Variants in DERL1 observed in about 807,000 individuals in gnomAD.
DERL1 encodes the protein derlin-1.
A neutral mutation model predicts 41.6 loss-of-function variants in DERL1; 24 were observed. The observed-to-expected ratio is 0.58, with a 90% CI of 0.42 to 0.81. DERL1 has a LOEUF of 0.81. Among genes scored for constraint, DERL1 ranks in the 30% least tolerant of loss-of-function variants. The pLI, the probability that DERL1 is intolerant of heterozygous loss-of-function variation, is 0.00. For missense variants in DERL1, 260 were observed against 314.3 expected (o/e 0.83, Z 1.31); for synonymous variants, 124 against 112.5 (o/e 1.10, Z -0.65).
chr8:123,021,504 G>A lies in DERL1; in HGVS notation c.454-5C>T. 6.2e-7 allele frequency: 1 copy of A among 1,613,448 alleles called. No homozygotes were observed. Among genetic ancestry groups the A allele is most frequent in the Non-Finnish European group, 8.5e-7 (1 of 1,179,462 alleles). On this transcript the variant is annotated splice_polypyrimidine_tract_variant and splice_region_variant and intron_variant, in intron 5 of 7. Coordinates refer to ENST00000259512, the MANE Select transcript of DERL1 (RefSeq NM_024295.6). Reference sequence around the variant, plus strand: ...AACCCAGGGTAAATAGCAGGCCTAGGATGGAATGAATATATGCAAATGTGA... The same window carrying A: ...AACCCAGGGTAAATAGCAGGCCTAGAATGGAATGAATATATGCAAATGTGA...
intron 1 of DERL1, among the ~76,000 whole-genome samples, chr8:123,040,262 G>A (rs1410711174): frequency 6.6e-6 from 1 of 152,172 alleles, no homozygotes; most frequent in Non-Finnish European, 1.5e-5. Context: ...TAAGGGATAA[G>A]GGAGTGGAGT....
intron 3 of DERL1, 104 bp downstream of exon 3, chr8:123,024,882 A>T: frequency 8.4e-7 from 1 of 1,193,796 alleles, no homozygotes; most frequent in Non-Finnish European, 1.2e-6. Flanking sequence ...GTCAACCAAG[A>T]TGCAAATATT....
In DERL1 at chr8:123,019,269, A is replaced by C; in HGVS notation, c.543T>G (p.His181Gln). 1 of 1,614,066 alleles carries C rather than the reference A, an allele frequency of 6.2e-7. No homozygotes were observed. Among genetic ancestry groups the C allele is most frequent in the Non-Finnish European group, 8.5e-7 (1 of 1,179,946 alleles). ...ATCTGAACATTAGGAAAAAATAAAGATGTCCAACCAGATTTCCAATAAGCT... is the reference window on the plus strand; with the variant it reads ...ATCTGAACATTAGGAAAAAATAAAGCTGTCCAACCAGATTTCCAATAAGCT... ...INELIGNLVG[H>Q]LYFFLMFRYP... is the part of the protein sequence containing the mutation. Residue 181 changes from histidine (H) to glutamine (Q), a missense_variant, in exon 7 of 8, where the codon CAT (histidine) becomes CAG (glutamine). Coordinates refer to ENST00000259512, the MANE Select transcript of DERL1 (RefSeq NM_024295.6).
rs1006469132 is a variant in DERL1, at chr8:123,013,329, A to C, written c.*2118T>G. On this transcript the variant is annotated 3_prime_UTR_variant, in exon 8 of 8. Transcript: ENST00000259512. ...GAGACAGCAGAGCAGGGACATGGAA[A>C]CTTAACACAGACAACCTTCAAGTTG... 6.6e-6 allele frequency: 1 copy of C among 152,230 alleles called. No individual in the cohort carries two copies. Among genetic ancestry groups the C allele is most frequent in the African/African-American group, 2.4e-5 (1 of 41,456 alleles). 9.4% of individuals were successfully genotyped at this position (152,230 alleles called of 1,614,324 possible). A position where few individuals can be genotyped will look rare whatever the true frequency, so the allele number is the denominator to read the frequency against.
chr8:123,036,175 C>T (rs1812923874), intron 1 of DERL1, among the ~76,000 whole-genome samples: 1 of 152,076 alleles, frequency 6.6e-6, no homozygotes, highest in African/African-American at 2.4e-5. Context: ...CATATGTTCA[C>T]CAAGACATGT....
chr8:123,037,446 T>C (rs1242103391), intron 1 of DERL1, among the ~76,000 whole-genome samples: 3 of 152,210 alleles, frequency 2.0e-5, no homozygotes, highest in Non-Finnish European at 4.4e-5. Flanking sequence ...TAATATGCTA[T>C]GATATTATCC....
Position 123,038,807 on chromosome 8 carries a change from T to C in DERL1, c.153+3163A>G, listed in dbSNP as rs527565267. Among the ~76,000 whole-genome samples the C allele has an allele frequency of 9.9e-5, 15 of 152,266 alleles. No individual in the cohort carries two copies. The East Asian group carries it at 2.5e-3, about 25-fold the overall frequency. On this transcript the variant is annotated intron_variant, in intron 1 of 7. Transcript: ENST00000259512. ...ACAACATTCTCTCAGCCAACAAATA[T>C]TTAGTAAAGTAATAAACACAGAACA...
intron 2 of DERL1, among the ~76,000 whole-genome samples, chr8:123,028,716 T>C (rs540240593): frequency 6.6e-6 from 1 of 152,322 alleles, no homozygotes; most frequent in East Asian, 1.9e-4. Context: ...TAACTGATCA[T>C]AAATGATCCA....
chr8:123,019,961 G>A (rs1487883817), intron 6 of DERL1, among the ~76,000 whole-genome samples: 1 of 152,144 alleles, frequency 6.6e-6, no homozygotes, highest in Non-Finnish European at 1.5e-5. Context: ...CCCGTCAGGG[G>A]CAAATCAACA....
chr8:123,022,571 G>T, intron 5 of DERL1, 113 bp downstream of exon 5: 1 of 988,904 alleles, frequency 1.0e-6, no homozygotes. Flanking sequence ...CTTGCCTATG[G>T]TACACTGCTC....
intron 1 of DERL1, among the ~76,000 whole-genome samples, chr8:123,034,898 C>G (rs1451772125): frequency 6.6e-6 from 1 of 152,184 alleles, no homozygotes; most frequent in Admixed American, 6.5e-5. Context: ...TGACTTCTGC[C>G]TTCCTTATCT....
chr8:123,031,362 T>C (rs1586467084), intron 1 of DERL1, among the ~76,000 whole-genome samples: 1 of 151,978 alleles, frequency 6.6e-6, no homozygotes, highest in Admixed American at 6.6e-5. Flanking sequence ...CAGGCCAACA[T>C]GGTGAAACCC....
chr8:123,028,271 G>C (rs182512329), intron 2 of DERL1, among the ~76,000 whole-genome samples: 8 of 152,258 alleles, frequency 5.3e-5, no homozygotes, highest in African/African-American at 9.6e-5. Context: ...ATAACTATTA[G>C]AGGTGATAAC....
At chr8:123,041,080 G>A (rs188239019) in intron 1 of DERL1, among the ~76,000 whole-genome samples, 1 of 152,180 alleles carries the variant, frequency 6.6e-6, no homozygotes, top group African/African-American at 2.4e-5. Context: ...CTATAGAAAA[G>A]GTCCTATAAC....
intron 5 of DERL1, 80 bp downstream of exon 5, chr8:123,022,604 G>A (rs1235868408): frequency 1.6e-5 from 22 of 1,399,942 alleles, no homozygotes; most frequent in Non-Finnish European, 2.1e-5. Context: ...TTCTGGATGA[G>A]TCAGAAAGTA....
chr8:123,038,010 C>G (rs1303012537), intron 1 of DERL1, among the ~76,000 whole-genome samples: 1 of 152,194 alleles, frequency 6.6e-6, no homozygotes, highest in African/African-American at 2.4e-5. Context: ...CTGAGGGACT[C>G]AGAATAGGGA....
intron 1 of DERL1, among the ~76,000 whole-genome samples, chr8:123,037,343 C>T (rs1307989189): frequency 1.3e-5 from 2 of 152,172 alleles, no homozygotes; most frequent in African/African-American, 4.8e-5. Flanking sequence ...AATCAATACA[C>T]TCGTTGAATG....
At chr8:123,040,595 A>G (rs1423074480) in intron 1 of DERL1, among the ~76,000 whole-genome samples, 1 of 152,214 alleles carries the variant, frequency 6.6e-6, no homozygotes, top group Non-Finnish European at 1.5e-5. Context: ...GGACAGAGGA[A>G]AGACAGGACT....
intron 2 of DERL1, among the ~76,000 whole-genome samples, chr8:123,026,656 C>A (rs561392141): frequency 6.6e-6 from 1 of 152,098 alleles, no homozygotes; most frequent in Non-Finnish European, 1.5e-5. Flanking sequence ...TTTTGGGACA[C>A]GTCACCACCA....
Sources: gnomAD v4.1 joint callset for allele counts (sites outside exome capture counted in the v4.1 genomes callset) on GRCh38, gnomAD v4.1.1 for gene constraint, MANE v1.5 for transcripts, NCBI Gene and HGNC (gene_info 2026-07-23, HGNC 2026-07-21) for gene names.